Variants in STRBP observed in about 807,000 individuals in gnomAD.
The protein encoded by STRBP is spermatid perinuclear RNA-binding protein.
Under a neutral mutation model 80.1 loss-of-function variants are expected in STRBP, and 13 were observed. The observed-to-expected ratio is 0.16, with a 90% CI of 0.11 to 0.26. The LOEUF (loss-of-function observed/expected upper bound fraction) is 0.26, where lower values mean the gene tolerates loss of function less well. Among genes scored for constraint, STRBP ranks in the 10% least tolerant of loss-of-function variants. STRBP has a pLI of 1.00. For synonymous variants in STRBP, 284 were observed against 291.2 expected (o/e 0.98, Z 0.25); for missense variants, 485 against 815.2 (o/e 0.59, Z 4.93).
intron 2 of STRBP, among the ~76,000 whole-genome samples, chr9:123,188,146 T>C (rs1404656537): frequency 6.6e-6 from 1 of 152,168 alleles, no homozygotes; most frequent in Admixed American, 6.5e-5. Flanking sequence ...GACTAGCTTC[T>C]TTCACTTAGC....
intron 1 of STRBP, among the ~76,000 whole-genome samples, chr9:123,239,856 T>G (rs1391084364): frequency 6.6e-6 from 1 of 152,216 alleles, no homozygotes; most frequent in Non-Finnish European, 1.5e-5. Flanking sequence ...ACATTACTAT[T>G]ATTGTTGAAG....
At chr9:123,210,461 A>G (rs1415036620) in intron 2 of STRBP, among the ~76,000 whole-genome samples, 1 of 151,862 alleles carries the variant, frequency 6.6e-6, no homozygotes, top group Non-Finnish European at 1.5e-5. Context: ...AAAAAAACAG[A>G]AAAAAAAGGC....
At chr9:123,257,417 AACACAC>A (rs112138505) in intron 1 of STRBP, among the ~76,000 whole-genome samples, 1 of 147,656 alleles carries the variant, frequency 6.8e-6, no homozygotes, top group Non-Finnish European at 1.5e-5. Flanking sequence ...AAAACACACA[AACACAC>A]ACACACACAC....
At chr9:123,181,138 T>A (rs1431914705) in intron 3 of STRBP, among the ~76,000 whole-genome samples, 2 of 152,376 alleles carry the variant, frequency 1.3e-5, no homozygotes, top group East Asian at 3.9e-4. Flanking sequence ...CTTTTCTTTT[T>A]CTCAATAAAA....
At chr9:123,139,060 AG>A (rs1377656798) in intron 14 of STRBP, among the ~76,000 whole-genome samples, 1 of 152,214 alleles carries the variant, frequency 6.6e-6, no homozygotes, top group South Asian at 2.1e-4. Context: ...ATACTGTGTC[AG>A]GCTATGCCTT....
At chr9:123,173,645 T>C in intron 5 of STRBP, 32 bp downstream of exon 5, 1 of 1,564,222 alleles carries the variant, frequency 6.4e-7, no homozygotes, top group Non-Finnish European at 8.6e-7. Flanking sequence ...TTTTTACAAA[T>C]TCGCCTAGAG....
chr9:123,176,089 A>G (rs2038207102), intron 4 of STRBP, among the ~76,000 whole-genome samples: 1 of 152,130 alleles, frequency 6.6e-6, no homozygotes, highest in Non-Finnish European at 1.5e-5. Context: ...TAGTGAGAAT[A>G]TATGTTAACA....
chr9:123,196,205 A>G (rs1422959196), intron 2 of STRBP, among the ~76,000 whole-genome samples: 1 of 152,200 alleles, frequency 6.6e-6, no homozygotes, highest in Admixed American at 6.5e-5. Flanking sequence ...CCTATCTTTC[A>G]TCATATACAA....
intron 2 of STRBP, among the ~76,000 whole-genome samples, chr9:123,211,064 T>C (rs928146160): frequency 7.9e-5 from 12 of 152,146 alleles, no homozygotes; most frequent in African/African-American, 2.4e-4. Flanking sequence ...AACTCACACA[T>C]GTACAAACAA....
chr9:123,245,227 C>T (rs923477975), intron 1 of STRBP, among the ~76,000 whole-genome samples: 1 of 152,104 alleles, frequency 6.6e-6, no homozygotes, highest in East Asian at 1.9e-4. Flanking sequence ...CAAATTTTTC[C>T]CCTTGAGTGG....
At chr9:123,162,623 G>A (rs1457702599) in intron 6 of STRBP, among the ~76,000 whole-genome samples, 2 of 152,276 alleles carry the variant, frequency 1.3e-5, no homozygotes, top group Middle Eastern at 3.4e-3. Context: ...CCATGACACT[G>A]TAAAGGCTGA....
In STRBP at chr9:123,205,569, A is replaced by C. The variant is rs2039485563; in HGVS notation, c.-164-21271T>G. Among the ~76,000 whole-genome samples, 3 of 152,242 alleles carry C rather than the reference A, an allele frequency of 2.0e-5. No homozygotes were observed. The South Asian group carries it at 6.2e-4, about 32-fold the overall frequency. ...ATTACCAATTTTGAAACAAGCAAAA[A>C]TAATAATATTCAGCTTAGCAAAATA... On this transcript the variant is annotated intron_variant, in intron 2 of 18. Transcript: ENST00000348403.
At chr9:123,119,719 A>G (rs1192553410), downstream of STRBP, among the ~76,000 whole-genome samples, 2 of 152,168 alleles carry the variant, frequency 1.3e-5, no homozygotes, top group Admixed American at 6.5e-5. Context: ...AACCATGGTA[A>G]GAACACTCAA....
intron 2 of STRBP, among the ~76,000 whole-genome samples, chr9:123,230,745 T>C (rs1335277023): frequency 6.6e-6 from 1 of 152,230 alleles, no homozygotes; most frequent in Non-Finnish European, 1.5e-5. Flanking sequence ...GACATGGCCA[T>C]TTCAGTTAAT....
chr9:123,240,009 C>A (rs2040659319), intron 1 of STRBP, among the ~76,000 whole-genome samples: 1 of 152,094 alleles, frequency 6.6e-6, no homozygotes, highest in Non-Finnish European at 1.5e-5. Flanking sequence ...GGTCTTCTGA[C>A]CAAAAAAATA....
At chr9:123,174,997 A>G (rs2038159942) in intron 4 of STRBP, among the ~76,000 whole-genome samples, 1 of 152,248 alleles carries the variant, frequency 6.6e-6, no homozygotes, top group South Asian at 2.1e-4. Context: ...GTTAAGCAAC[A>G]AAAGCAGTAA....
At chr9:123,164,967 T>C (rs1404897456) in intron 6 of STRBP, among the ~76,000 whole-genome samples, 1 of 152,160 alleles carries the variant, frequency 6.6e-6, no homozygotes, top group Non-Finnish European at 1.5e-5. Flanking sequence ...AGTCTGCCAC[T>C]GGAAAGACAG....
chr9:123,219,049 G>A (rs2039989507), intron 2 of STRBP, among the ~76,000 whole-genome samples: 1 of 152,000 alleles, frequency 6.6e-6, no homozygotes, highest in South Asian at 2.1e-4. Flanking sequence ...TAGGTTGGAA[G>A]ATAAAATCAA....
intron 13 of STRBP, among the ~76,000 whole-genome samples, chr9:123,140,775 A>G (rs1369274858): frequency 6.6e-6 from 1 of 152,184 alleles, no homozygotes; most frequent in East Asian, 1.9e-4. Flanking sequence ...GTCGATCCCC[A>G]GGATTTGTCT....
Sources: gnomAD v4.1 joint callset for allele counts (sites outside exome capture counted in the v4.1 genomes callset) on GRCh38, gnomAD v4.1.1 for gene constraint, MANE v1.5 for transcripts, NCBI Gene and HGNC (gene_info 2026-07-23, HGNC 2026-07-21) for gene names.